Variants in PGGT1B observed in about 807,000 individuals in gnomAD.
PGGT1B encodes protein geranylgeranyltransferase type I subunit beta, also known as geranylgeranyl transferase type-1 subunit beta.
In PGGT1B, 30 loss-of-function variants were observed where a neutral mutation model predicts 46.1. The ratio of observed to expected loss-of-function variants is 0.65; its 90% CI spans 0.49 to 0.88. The LOEUF (loss-of-function observed/expected upper bound fraction) is 0.88. Among genes scored for constraint, PGGT1B ranks in the 40% least tolerant of loss-of-function variants. PGGT1B has a pLI of 0.00. For missense variants in PGGT1B, 376 were observed against 455.9 expected, an observed-to-expected ratio of 0.82 and a Z score of 1.60; for synonymous variants, 170 against 160.0, an observed-to-expected ratio of 1.06 and a Z score of -0.47.
Position 115,239,342 on chromosome 5 carries a change from C to A in PGGT1B, c.328-1333G>T, listed in dbSNP as rs1757281239. ...TGCAGGTGTGAGCCACTGTGCCTGG[C>A]CAGATATGCAGTTCTTTATATGGTC... On this transcript the variant is annotated intron_variant, in intron 3 of 8. Coordinates refer to ENST00000419445, the MANE Select transcript of PGGT1B (RefSeq NM_005023.4). Among the ~76,000 whole-genome samples, 3 of 152,266 alleles carry A rather than the reference C, an allele frequency of 2.0e-5. No homozygotes were observed. The South Asian group carries it at 6.2e-4, about 32-fold the overall frequency.
At chr5:115,246,536 T>C (rs1022302489) in intron 2 of PGGT1B, among the ~76,000 whole-genome samples, 1 of 152,198 alleles carries the variant, frequency 6.6e-6, no homozygotes, top group East Asian at 1.9e-4. Flanking sequence ...ATGCATACTC[T>C]GGGTACAGTA....
chr5:115,218,346 A>G (rs1342473160), intron 7 of PGGT1B, among the ~76,000 whole-genome samples: 1 of 150,074 alleles, frequency 6.7e-6, no homozygotes, highest in African/African-American at 2.4e-5. Context: ...ACAACTTGAA[A>G]GGGTTCTTAT....
At chr5:115,257,569 T>C (rs929254532) in intron 1 of PGGT1B, among the ~76,000 whole-genome samples, 20 of 147,738 alleles carry the variant, frequency 1.4e-4, no homozygotes, top group African/African-American at 4.5e-4. Context: ...AAACAGTCTA[T>C]AGTCTGGACA....
At chr5:115,231,161 C>T (rs1756968351) in intron 5 of PGGT1B, 140 bp from the exon 6 acceptor site, 6 of 508,874 alleles carry the variant, frequency 1.2e-5, no homozygotes, top group Non-Finnish European at 1.7e-5. Context: ...ATGCGTTTTT[C>T]CCCATGGAGA....
intron 5 of PGGT1B, among the ~76,000 whole-genome samples, chr5:115,233,342 G>T (rs1342787643): frequency 6.6e-6 from 1 of 151,426 alleles, no homozygotes; most frequent in Non-Finnish European, 1.5e-5. Flanking sequence ...GACAAAATAA[G>T]AAATAAATTT....
chr5:115,252,143 C>T (rs1489134153), intron 2 of PGGT1B, among the ~76,000 whole-genome samples: 1 of 152,068 alleles, frequency 6.6e-6, no homozygotes, highest in Admixed American at 6.6e-5. Flanking sequence ...ATTGACCAAA[C>T]TTATACATGC....
intron 2 of PGGT1B, among the ~76,000 whole-genome samples, chr5:115,242,729 G>A (rs1484989105): frequency 6.6e-6 from 1 of 152,150 alleles, no homozygotes; most frequent in Non-Finnish European, 1.5e-5. Context: ...TTGGGGAGGA[G>A]GCAGAGGAGG....
At chr5:115,227,815 T>G (rs539548403) in intron 6 of PGGT1B, among the ~76,000 whole-genome samples, 1 of 152,196 alleles carries the variant, frequency 6.6e-6, no homozygotes, top group African/African-American at 2.4e-5. Context: ...TCTCAGAGAG[T>G]TGATATGGGG....
rs915838568 is a variant in PGGT1B, at chr5:115,205,991, T to C, written c.*6411A>G. 10 of 151,906 alleles carry C rather than the reference T, an allele frequency of 6.6e-5. No homozygotes were observed. The highest frequency in any genetic ancestry group is 2.4e-4 in the African/African-American group (10 of 41,410). 9.4% of individuals were successfully genotyped at this position (151,906 alleles called of 1,614,324 possible). ...GTAAAAAGTGCAATTACTTATGCAC[T>C]GACCTAATATGTTTATGCAACGTGA... is the stretch of plus-strand genomic sequence containing the variant. On this transcript the variant is annotated 3_prime_UTR_variant, in exon 9 of 9. Coordinates refer to ENST00000419445, the MANE Select transcript of PGGT1B (RefSeq NM_005023.4).
chr5:115,235,329 T>A (rs2127009227), intron 5 of PGGT1B, among the ~76,000 whole-genome samples: 1 of 152,146 alleles, frequency 6.6e-6, no homozygotes, highest in South Asian at 2.1e-4. Context: ...AGTAGAATTT[T>A]AACTGATATT....
chr5:115,212,668 C>A, intron 8 of PGGT1B, 85 bp from the exon 9 acceptor site: 1 of 856,716 alleles, frequency 1.2e-6, no homozygotes, highest in East Asian at 2.7e-5. Flanking sequence ...TTTACCAGCC[C>A]ATCACTCCAT....
At chr5:115,253,368 T>A in intron 1 of PGGT1B, 113 bp from the exon 2 acceptor site, 1 of 874,642 alleles carries the variant, frequency 1.1e-6, no homozygotes. Flanking sequence ...ATTTAAACAA[T>A]ACTTCCACCT....
At chr5:115,237,727 T>G (rs1278026275) in intron 4 of PGGT1B, 131 bp downstream of exon 4, 1 of 627,586 alleles carries the variant, frequency 1.6e-6, no homozygotes, top group East Asian at 3.1e-5. Flanking sequence ...CTTAATTATG[T>G]ACCTCGTAAG....
Position 115,207,956 on chromosome 5 carries a change from G to C in PGGT1B, c.*4446C>G, listed in dbSNP as rs1202113112. ...TACTTAGTATAGTTAACATAAGTGA[G>C]TGCTCAATTCTATCATGTCTTTTCT... On this transcript the variant is annotated 3_prime_UTR_variant, in exon 9 of 9. Coordinates refer to ENST00000419445, the MANE Select transcript of PGGT1B (RefSeq NM_005023.4). The C allele has an allele frequency of 2.6e-5, 4 of 151,960 alleles. No individual in the cohort carries two copies. The highest frequency in any genetic ancestry group is 4.8e-5 in the African/African-American group (2 of 41,380). The allele number at this position is 151,960 out of a possible 1,614,324, so 9.4% of individuals were successfully genotyped here.
chr5:115,238,119 AC>A, intron 3 of PGGT1B, 110 bp from the exon 4 acceptor site: 4 of 691,184 alleles, frequency 5.8e-6, no homozygotes, highest in Non-Finnish European at 9.4e-6. Context: ...TATGGCTTAT[AC>A]TGATTTGTAT....
At chr5:115,248,171 T>G (rs111575135) in intron 2 of PGGT1B, among the ~76,000 whole-genome samples, 1,737 of 152,250 alleles carry the variant, frequency 0.011, 34 homozygotes, top group African/African-American at 0.04. Context: ...TGGGATCTAT[T>G]AAGGAACAGA....
At position 115,211,926 on chromosome 5, in the gene PGGT1B, G is replaced by A. The variant is rs1185592631; in HGVS notation, c.*476C>T. ...GTCACTCTTCTTTAAAAAAAATTAT[G>A]GTCATCTGTTTTCAAAGAATAATCC... is the stretch of plus-strand genomic sequence containing the variant. On this transcript the variant is annotated 3_prime_UTR_variant, in exon 9 of 9. Transcript: ENST00000419445. 1 of 154,284 alleles carries A rather than the reference G, an allele frequency of 6.5e-6. No individual in the cohort carries two copies. The highest frequency in any genetic ancestry group is 2.4e-5 in the African/African-American group (1 of 41,368). 9.6% of individuals were successfully genotyped at this position (154,284 alleles called of 1,614,324 possible).
chr5:115,248,405 C>T (rs927420639), intron 2 of PGGT1B, among the ~76,000 whole-genome samples: 45 of 152,198 alleles, frequency 3.0e-4, no homozygotes, highest in African/African-American at 1.1e-3. Context: ...ACCTTAATGT[C>T]CTCATTTGTA....
At chr5:115,226,277 T>C (rs1376682013) in intron 6 of PGGT1B, among the ~76,000 whole-genome samples, 1 of 152,148 alleles carries the variant, frequency 6.6e-6, no homozygotes, top group African/African-American at 2.4e-5. Context: ...AAATGTCCAC[T>C]GGAACATTTC....
Sources: allele counts gnomAD v4.1 joint callset (sites outside exome capture counted in the v4.1 genomes callset), GRCh38; gene constraint gnomAD v4.1.1; transcripts MANE v1.5; gene names NCBI Gene and HGNC (gene_info 2026-07-23, HGNC 2026-07-21).